The following ELAVL2 variants were observed in gnomAD, a reference collection of about 807,000 sequenced individuals.
ELAVL2 encodes the protein ELAV like RNA binding protein 2, also known as ELAV-like protein 2.
ELAVL2 carries 4 observed loss-of-function variants against 34.6 expected under a neutral mutation model. That is an observed-to-expected ratio of 0.12 (90% confidence interval 0.06 to 0.26). The LOEUF (loss-of-function observed/expected upper bound fraction) is 0.26. Among genes scored for constraint, ELAVL2 ranks in the 10% least tolerant of loss-of-function variants. The pLI, the probability that ELAVL2 is intolerant of heterozygous loss-of-function variation, is 1.00. For missense variants in ELAVL2, 432 were observed against 442.8 expected, an observed-to-expected ratio of 0.98 and a Z score of 0.22; for synonymous variants, 193 against 154.8, an observed-to-expected ratio of 1.25 and a Z score of -1.83.
chr9:23,733,997 TTTC>T (rs1240499180), intron 2 of ELAVL2, among the ~76,000 whole-genome samples: 1 of 152,184 alleles, frequency 6.6e-6, no homozygotes, highest in Non-Finnish European at 1.5e-5. Flanking sequence ...TTATAAAAAG[TTTC>T]TTATTTGCCT....
chr9:23,803,049 A>C (rs566209762), intron 1 of ELAVL2, among the ~76,000 whole-genome samples: 1 of 152,304 alleles, frequency 6.6e-6, no homozygotes, highest in African/African-American at 2.4e-5. Flanking sequence ...GGTCTAATTC[A>C]CTGCTACATA....
chr9:23,762,258 A>G lies in ELAVL2; in HGVS notation c.-15-9T>C. 1 of 1,611,686 alleles carries G rather than the reference A, an allele frequency of 6.2e-7. No individual in the cohort carries two copies. Among genetic ancestry groups the G allele is most frequent in the Non-Finnish European group, 8.5e-7 (1 of 1,178,544 alleles). ...ATGGCAGCAATTACCTGCTAAAAAC[A>G]GAGAAAACAAGAAATGTCAGAATTC... On this transcript the variant is annotated splice_polypyrimidine_tract_variant and intron_variant, in intron 1 of 6. Coordinates refer to ENST00000397312, the MANE Select transcript of ELAVL2 (RefSeq NM_004432.5).
chr9:23,820,761 G>A (rs2064488414), intron 1 of ELAVL2, among the ~76,000 whole-genome samples: 1 of 152,184 alleles, frequency 6.6e-6, no homozygotes, highest in Non-Finnish European at 1.5e-5. Context: ...GCCGCTGGCA[G>A]GCCCTACCAG....
chr9:23,697,239 T>C (rs186664647), intron 5 of ELAVL2, among the ~76,000 whole-genome samples: 3 of 152,282 alleles, frequency 2.0e-5, no homozygotes, highest in Admixed American at 1.3e-4. Context: ...TAAAGAATGG[T>C]ACCAGTAAGG....
chr9:23,730,153 G>A (rs539765018), intron 3 of ELAVL2, among the ~76,000 whole-genome samples: 28 of 152,140 alleles, frequency 1.8e-4, no homozygotes, highest in African/African-American at 6.7e-4. Flanking sequence ...GCAAATTGAT[G>A]GTACAGCTAA....
At chr9:23,815,726 C>G (rs1398936764) in intron 1 of ELAVL2, among the ~76,000 whole-genome samples, 1 of 152,148 alleles carries the variant, frequency 6.6e-6, no homozygotes, top group African/African-American at 2.4e-5. Flanking sequence ...CTTCAGACTT[C>G]TAGCCTACTA....
chr9:23,744,389 C>T (rs2050010198), intron 2 of ELAVL2, among the ~76,000 whole-genome samples: 1 of 152,134 alleles, frequency 6.6e-6, no homozygotes, highest in South Asian at 2.1e-4. Flanking sequence ...ATAGCCTATG[C>T]TGTCAAGAGT....
chr9:23,832,258 T>G, the ELAVL2 span: 3 of 152,130 alleles, frequency 2.0e-5, no homozygotes, highest in Non-Finnish European at 4.4e-5. Context: ...GGAAAGAATC[T>G]ACATAGCTAC....
intron 3 of ELAVL2, among the ~76,000 whole-genome samples, chr9:23,717,680 A>C (rs890769525): frequency 6.6e-6 from 1 of 152,160 alleles, no homozygotes; most frequent in Non-Finnish European, 1.5e-5. Flanking sequence ...AGCAAGTGGC[A>C]TATCCATTTT....
At chr9:23,718,926 A>G (rs1039656247) in intron 3 of ELAVL2, among the ~76,000 whole-genome samples, 2 of 152,178 alleles carry the variant, frequency 1.3e-5, no homozygotes, top group African/African-American at 4.8e-5. Context: ...TCCCCCTAAC[A>G]GCTTTAACAA....
chr9:23,760,208 G>A (rs1448231324), intron 2 of ELAVL2, among the ~76,000 whole-genome samples: 1 of 151,990 alleles, frequency 6.6e-6, no homozygotes, highest in Non-Finnish European at 1.5e-5. Flanking sequence ...TCTGTAAGAT[G>A]TCTCCTGTGG....
At chr9:23,726,543 A>G (rs1420667327) in intron 3 of ELAVL2, among the ~76,000 whole-genome samples, 14 of 152,002 alleles carry the variant, frequency 9.2e-5, no homozygotes, top group Non-Finnish European at 2.9e-5. Context: ...TTCCAGATAA[A>G]TCAACCCCAG....
intron 1 of ELAVL2, among the ~76,000 whole-genome samples, chr9:23,824,243 C>T (rs1048733632): frequency 1.3e-5 from 2 of 152,192 alleles, no homozygotes; most frequent in African/African-American, 4.8e-5. Context: ...CAATTTGTCA[C>T]AGTTGTATAG....
At chr9:23,819,296 CTTTG>C (rs763601373) in intron 1 of ELAVL2, among the ~76,000 whole-genome samples, 2 of 152,092 alleles carry the variant, frequency 1.3e-5, no homozygotes, top group African/African-American at 2.4e-5. Flanking sequence ...GACAGAAAGG[CTTTG>C]TTTTTCTCTT....
chr9:23,822,021 G>C (rs1032277271), intron 1 of ELAVL2, among the ~76,000 whole-genome samples: 4 of 151,726 alleles, frequency 2.6e-5, no homozygotes, highest in Non-Finnish European at 4.4e-5. Context: ...CCGGACTTCC[G>C]AGTCTCACCA....
intron 3 of ELAVL2, among the ~76,000 whole-genome samples, chr9:23,707,445 GACTGAAGT>G (rs1178801479): frequency 6.6e-6 from 1 of 152,122 alleles, no homozygotes; most frequent in Admixed American, 6.5e-5. Flanking sequence ...CAGATCATGT[GACTGAAGT>G]ACTCCCATTA....
intron 1 of ELAVL2, chr9:23,779,399 A>AT: frequency 2.0e-6 from 2 of 985,386 alleles, no homozygotes; most frequent in Non-Finnish European, 2.4e-6. Context: ...AACACTGGCT[A>AT]TTTATAGCAC....
intron 4 of ELAVL2, among the ~76,000 whole-genome samples, chr9:23,704,408 A>C (rs2038608305): frequency 6.6e-6 from 1 of 152,168 alleles, no homozygotes; most frequent in South Asian, 2.1e-4. Context: ...TGATATTAGG[A>C]ATAAAATAAA....
intron 2 of ELAVL2, among the ~76,000 whole-genome samples, chr9:23,740,142 AAGTC>A (rs1005866099): frequency 2.6e-5 from 4 of 152,136 alleles, no homozygotes; most frequent in Non-Finnish European, 5.9e-5. Flanking sequence ...CAGTATGAAA[AAGTC>A]AGTAAGTTTG....
Sources: allele counts gnomAD v4.1 joint callset (sites outside exome capture counted in the v4.1 genomes callset), GRCh38; gene constraint gnomAD v4.1.1; transcripts MANE v1.5; gene names NCBI Gene and HGNC (gene_info 2026-07-23, HGNC 2026-07-21).